NEO1: variants seen among roughly 807,000 people sequenced by gnomAD.
NEO1 encodes the protein neogenin.
NEO1 carries 63 observed loss-of-function variants against 159.7 expected under a neutral mutation model. The ratio of observed to expected loss-of-function variants is 0.39; its 90% CI spans 0.32 to 0.49. The LOEUF (loss-of-function observed/expected upper bound fraction) is 0.49, where lower values mean the gene tolerates loss of function less well. Among genes scored for constraint, NEO1 ranks in the 20% least tolerant of loss-of-function variants. The pLI is 0.85. For missense variants in NEO1, 1,615 were observed against 1,831.0 expected, an observed-to-expected ratio of 0.88 and a Z score of 2.15; for synonymous variants, 633 against 662.0, an observed-to-expected ratio of 0.96 and a Z score of 0.67.
chr15:73,113,545 T>C (rs1276074001), intron 1 of NEO1, among the ~76,000 whole-genome samples: 1 of 152,184 alleles, frequency 6.6e-6, no homozygotes, highest in Non-Finnish European at 1.5e-5. Context: ...TGTTGGACAT[T>C]ATGCGAACTT....
intron 5 of NEO1, among the ~76,000 whole-genome samples, chr15:73,154,022 T>C (rs2033583706): frequency 6.6e-6 from 1 of 152,186 alleles, no homozygotes; most frequent in Non-Finnish European, 1.5e-5. Context: ...CTGTGTCACA[T>C]TTACATTATA....
At chr15:73,301,102 A>C (rs1213547687) in intron 27 of NEO1, among the ~76,000 whole-genome samples, 1 of 152,166 alleles carries the variant, frequency 6.6e-6, no homozygotes, top group African/African-American at 2.4e-5. Flanking sequence ...CTGGACTAGG[A>C]TATTGGTTTT....
At chr15:73,089,803 A>G (rs765597265) in intron 1 of NEO1, among the ~76,000 whole-genome samples, 79 of 152,192 alleles carry the variant, frequency 5.2e-4, no homozygotes, top group Admixed American at 1.2e-3. Flanking sequence ...AATCTATCCT[A>G]CAGATACCTC....
At chr15:73,278,617 C>T (rs2041529006) in intron 22 of NEO1, among the ~76,000 whole-genome samples, 2 of 152,190 alleles carry the variant, frequency 1.3e-5, no homozygotes. Flanking sequence ...TTCTTCCACT[C>T]TCCTAGCCAT....
At chr15:73,075,500 C>A (rs2068727243) in intron 1 of NEO1, among the ~76,000 whole-genome samples, 1 of 152,070 alleles carries the variant, frequency 6.6e-6, no homozygotes, top group Admixed American at 6.5e-5. Flanking sequence ...TGCTAATGAT[C>A]CATCACGAGG....
At chr15:73,200,355 C>T (rs899026072) in intron 7 of NEO1, among the ~76,000 whole-genome samples, 4 of 151,486 alleles carry the variant, frequency 2.6e-5, no homozygotes, top group South Asian at 2.1e-4. Context: ...CCGAGGTGGG[C>T]AGATCACCTG....
chr15:73,210,972 TC>T (rs1330615624), intron 7 of NEO1, among the ~76,000 whole-genome samples: 1 of 152,226 alleles, frequency 6.6e-6, no homozygotes, highest in Non-Finnish European at 1.5e-5. Flanking sequence ...AATATTACTT[TC>T]TACAAAGAAA....
chr15:73,091,578 T>G (rs921977124), intron 1 of NEO1, among the ~76,000 whole-genome samples: 8 of 152,106 alleles, frequency 5.3e-5, no homozygotes, highest in African/African-American at 1.4e-4. Context: ...TGTTTGTTTT[T>G]CTGAGACAGG....
chr15:73,091,235 T>G (rs1170655209), intron 1 of NEO1, among the ~76,000 whole-genome samples: 3 of 152,212 alleles, frequency 2.0e-5, no homozygotes, highest in Non-Finnish European at 4.4e-5. Context: ...TTAAACAAGC[T>G]GATGCCTACT....
intron 26 of NEO1, among the ~76,000 whole-genome samples, chr15:73,296,376 T>C (rs1322997922): frequency 6.6e-6 from 1 of 152,108 alleles, no homozygotes; most frequent in African/African-American, 2.4e-5. Context: ...TGGGGATGGC[T>C]AGCTTGAGCA....
chr15:73,126,812 T>C (rs2030318522), intron 4 of NEO1, among the ~76,000 whole-genome samples: 1 of 152,240 alleles, frequency 6.6e-6, no homozygotes, highest in African/African-American at 2.4e-5. Flanking sequence ...CGCAGTGTAC[T>C]CAGCTTAAGT....
chr15:73,089,428 T>C (rs930507698), intron 1 of NEO1, among the ~76,000 whole-genome samples: 1 of 152,132 alleles, frequency 6.6e-6, no homozygotes, highest in African/African-American at 2.4e-5. Context: ...ACATATGATA[T>C]AGGACTAGTG....
At chr15:73,135,331 C>T (rs1255906919) in intron 4 of NEO1, among the ~76,000 whole-genome samples, 1 of 152,200 alleles carries the variant, frequency 6.6e-6, no homozygotes, top group African/African-American at 2.4e-5. Context: ...CAGGGAGCTG[C>T]TCTCTGGCAA....
At chr15:73,297,443 T>C (rs2042416880) in intron 26 of NEO1, among the ~76,000 whole-genome samples, 1 of 152,214 alleles carries the variant, frequency 6.6e-6, no homozygotes, top group Non-Finnish European at 1.5e-5. Context: ...AAGCACCGTG[T>C]TCAGCACTTT....
intron 5 of NEO1, among the ~76,000 whole-genome samples, chr15:73,157,383 T>TA (rs1441344399): frequency 6.6e-6 from 1 of 152,246 alleles, no homozygotes; most frequent in African/African-American, 2.4e-5. Flanking sequence ...AATGGCCTCT[T>TA]ACTGTAGCTG....
intron 7 of NEO1, among the ~76,000 whole-genome samples, chr15:73,202,787 A>G (rs923009488): frequency 1.3e-5 from 2 of 152,116 alleles, no homozygotes; most frequent in Admixed American, 6.5e-5. Flanking sequence ...CCATTCAACA[A>G]AGACTCCACA....
chr15:73,287,055 C>T (rs1189944649), intron 23 of NEO1, among the ~76,000 whole-genome samples: 1 of 152,218 alleles, frequency 6.6e-6, no homozygotes, highest in Non-Finnish European at 1.5e-5. Flanking sequence ...GGGAAGTTCA[C>T]ACTCTTAGCA....
intron 8 of NEO1, 75 bp downstream of exon 8, chr15:73,236,581 T>C (rs1596439715): frequency 7.3e-7 from 1 of 1,365,430 alleles, no homozygotes; most frequent in East Asian, 2.3e-5. Flanking sequence ...CCCTGGCTCT[T>C]GGTATCTGTA....
chr15:73,140,367 G>A (rs1205703405), intron 5 of NEO1, among the ~76,000 whole-genome samples: 2 of 152,050 alleles, frequency 1.3e-5, no homozygotes, highest in African/African-American at 2.4e-5. Flanking sequence ...ACCAGCCTGG[G>A]CAGCATAGTG....
Sources: gnomAD v4.1 joint callset for allele counts (sites outside exome capture counted in the v4.1 genomes callset) on GRCh38, gnomAD v4.1.1 for gene constraint, MANE v1.5 for transcripts, NCBI Gene and HGNC (gene_info 2026-07-23, HGNC 2026-07-21) for gene names.